SLC17A8: variants seen among roughly 807,000 people sequenced by gnomAD.
The protein encoded by SLC17A8 is vesicular glutamate transporter 3.
In SLC17A8, 31 loss-of-function variants were observed where a neutral mutation model predicts 58.0. That is an observed-to-expected ratio of 0.53 (90% CI 0.40 to 0.72). SLC17A8 has a LOEUF of 0.72. Among genes scored for constraint, SLC17A8 ranks in the 30% least tolerant of loss-of-function variants. The pLI is 0.00. For synonymous variants in SLC17A8, 228 were observed against 249.0 expected, an observed-to-expected ratio of 0.92 and a Z score of 0.79; for missense variants, 655 against 727.8, an observed-to-expected ratio of 0.90 and a Z score of 1.15.
chr12:100,415,174 C>G (rs1178027101), intron 10 of SLC17A8, among the ~76,000 whole-genome samples: 1 of 151,858 alleles, frequency 6.6e-6, no homozygotes, highest in East Asian at 1.9e-4. Flanking sequence ...TTTTTTTAGA[C>G]AGGGTCTCTT....
At chr12:100,386,149 A>G (rs1952672932) in intron 2 of SLC17A8, among the ~76,000 whole-genome samples, 1 of 152,196 alleles carries the variant, frequency 6.6e-6, no homozygotes. Flanking sequence ...TTTTCCAGAT[A>G]AGGTAGCATT....
At chr12:100,380,620 C>T (rs1263740684) in intron 1 of SLC17A8, 81 bp from the exon 2 acceptor site, 1 of 1,544,170 alleles carries the variant, frequency 6.5e-7, no homozygotes, top group Non-Finnish European at 8.9e-7. Flanking sequence ...TCTGCTGGTA[C>T]CTTTTTTCTT....
At chr12:100,397,654 T>G (rs1952762528) in intron 5 of SLC17A8, among the ~76,000 whole-genome samples, 1 of 152,040 alleles carries the variant, frequency 6.6e-6, no homozygotes, top group African/African-American at 2.4e-5. Context: ...TAAAAGTACC[T>G]TAGACCAGCC....
chr12:100,378,852 C>A (rs1018283725), intron 1 of SLC17A8, among the ~76,000 whole-genome samples: 1 of 152,124 alleles, frequency 6.6e-6, no homozygotes, highest in Non-Finnish European at 1.5e-5. Context: ...CTGGGCTCAC[C>A]GGTTGAAATT....
chr12:100,391,612 G>A (rs1952717512), intron 3 of SLC17A8, among the ~76,000 whole-genome samples: 1 of 152,152 alleles, frequency 6.6e-6, no homozygotes, highest in Non-Finnish European at 1.5e-5. Flanking sequence ...CCAGTCAAGA[G>A]TTTCTTTTTA....
chr12:100,419,694 A>C, intron 11 of SLC17A8, 121 bp from the exon 12 acceptor site: 1 of 906,318 alleles, frequency 1.1e-6, no homozygotes, highest in South Asian at 1.5e-5. Flanking sequence ...CCGCCCAAGG[A>C]GCCTCTAGAG....
chr12:100,405,217 ACTTT>A (rs1400700994), intron 9 of SLC17A8, among the ~76,000 whole-genome samples: 1 of 152,144 alleles, frequency 6.6e-6, no homozygotes, highest in Non-Finnish European at 1.5e-5. Context: ...CTTAGCTTGA[ACTTT>A]CTTGTAGAGG....
chr12:100,384,167 T>C (rs1316966683), intron 2 of SLC17A8, among the ~76,000 whole-genome samples: 2 of 152,214 alleles, frequency 1.3e-5, no homozygotes, highest in African/African-American at 4.8e-5. Flanking sequence ...GTGGGCCCTG[T>C]AGGATTCAGA....
chr12:100,409,145 TTATGTATGTATGTATGTATGTATG>T (rs4015905), intron 9 of SLC17A8, among the ~76,000 whole-genome samples: 9 of 143,790 alleles, frequency 6.3e-5, no homozygotes, highest in African/African-American at 1.5e-4. Flanking sequence ...TCATTAAACG[TTATGTATGTATGTATGTATGTATG>T]TATGTATGTA....
At chr12:100,369,724 T>C (rs1176758134) in intron 1 of SLC17A8, among the ~76,000 whole-genome samples, 1 of 152,234 alleles carries the variant, frequency 6.6e-6, no homozygotes, top group African/African-American at 2.4e-5. Context: ...TCCAGCAAGA[T>C]TCAAAATATC....
intron 5 of SLC17A8, among the ~76,000 whole-genome samples, chr12:100,397,096 C>T (rs1316005329): frequency 6.6e-6 from 1 of 152,126 alleles, no homozygotes; most frequent in Non-Finnish European, 1.5e-5. Context: ...GGAGGCTAGG[C>T]AAGCAGATGC....
At chr12:100,397,054 C>G (rs1048672794) in intron 5 of SLC17A8, among the ~76,000 whole-genome samples, 7 of 152,146 alleles carry the variant, frequency 4.6e-5, no homozygotes, top group Non-Finnish European at 1.0e-4. Context: ...TTCTTTGGCC[C>G]TAACTGTATC....
At chr12:100,377,649 C>T (rs917969607) in intron 1 of SLC17A8, among the ~76,000 whole-genome samples, 16 of 145,786 alleles carry the variant, frequency 1.1e-4, no homozygotes, top group South Asian at 2.1e-4. Context: ...AATGCAATGC[C>T]GCTATATCAG....
At chr12:100,398,045 T>A in intron 5 of SLC17A8, among the ~76,000 whole-genome samples, 1 of 152,218 alleles carries the variant, frequency 6.6e-6, no homozygotes, top group East Asian at 1.9e-4. Context: ...ACACTTTTCC[T>A]AAGATATTCT....
At chr12:100,397,299 C>A (rs1248895856) in intron 5 of SLC17A8, among the ~76,000 whole-genome samples, 2 of 152,168 alleles carry the variant, frequency 1.3e-5, no homozygotes, top group Non-Finnish European at 2.9e-5. Flanking sequence ...TAGAACAAGA[C>A]CTGACTGTTG....
intron 1 of SLC17A8, among the ~76,000 whole-genome samples, chr12:100,363,819 T>A (rs1033540240): frequency 2.0e-5 from 3 of 151,880 alleles, no homozygotes; most frequent in African/African-American, 7.3e-5. Flanking sequence ...CGCAGATGGA[T>A]CATTTGAGGT....
intron 4 of SLC17A8, 94 bp downstream of exon 4, chr12:100,393,577 T>G: frequency 2.2e-6 from 2 of 924,024 alleles, no homozygotes; most frequent in Admixed American, 1.9e-5. Context: ...CTTTACTCAG[T>G]TTTTTTCTAT....
chr12:100,358,122 T>C (rs901887134), intron 1 of SLC17A8, among the ~76,000 whole-genome samples: 1 of 152,152 alleles, frequency 6.6e-6, no homozygotes, highest in African/African-American at 2.4e-5. Flanking sequence ...TAAAGTAAAA[T>C]ATATTAATGG....
intron 2 of SLC17A8, among the ~76,000 whole-genome samples, chr12:100,386,076 C>A (rs1345713776): frequency 6.6e-6 from 1 of 152,134 alleles, no homozygotes; most frequent in Non-Finnish European, 1.5e-5. Flanking sequence ...GTTTAGGGCC[C>A]AGCTGGATAG....
Sources: allele counts gnomAD v4.1 joint callset (sites outside exome capture counted in the v4.1 genomes callset), GRCh38; gene constraint gnomAD v4.1.1; transcripts MANE v1.5; gene names NCBI Gene and HGNC (gene_info 2026-07-23, HGNC 2026-07-21).